BACH2: variants seen among roughly 807,000 people sequenced by gnomAD.
BACH2 encodes the protein BACH transcriptional regulator 2.
In BACH2, 5 loss-of-function variants were observed where a neutral mutation model predicts 61.8. The observed-to-expected ratio is 0.08, with a 90% confidence interval of 0.04 to 0.17. BACH2 has a LOEUF of 0.17. Among genes scored for constraint, BACH2 ranks in the 10% least tolerant of loss-of-function variants. The probability of loss-of-function intolerance (pLI) is 1.00; values close to 1 mark genes in which losing one functional copy is unlikely to be tolerated. For synonymous variants in BACH2, 446 were observed against 440.1 expected (o/e 1.01, Z -0.17); for missense variants, 824 against 1,091.1 (o/e 0.76, Z 3.45).
At chr6:90,107,827 C>T (rs1010642524) in intron 4 of BACH2, among the ~76,000 whole-genome samples, 2 of 152,104 alleles carry the variant, frequency 1.3e-5, no homozygotes, top group Non-Finnish European at 2.9e-5. Flanking sequence ...GAGAACTGTG[C>T]TCAAGGGAAT....
rs1261328384 is a variant in BACH2, at chr6:90,036,941, T to C, written c.-12-28085A>G. 2.6e-5 allele frequency among the ~76,000 whole-genome samples: 4 copies of C among 152,206 alleles called. No homozygotes were observed. The East Asian group carries it at 7.7e-4, about 29-fold the overall frequency. On this transcript the variant is annotated intron_variant, in intron 5 of 8. Transcript: ENST00000257749. ...AGACTAATTGTCTGCCCTAAAACAG[T>C]TGAATTTTGAAACTTTAAGTAGCTA... is the stretch of plus-strand genomic sequence containing the variant.
chr6:90,272,199 T>C (rs577221228), intron 1 of BACH2, among the ~76,000 whole-genome samples: 52 of 152,246 alleles, frequency 3.4e-4, no homozygotes, highest in African/African-American at 1.2e-3. Flanking sequence ...TGTCAAATCT[T>C]ATGTCCCCCT....
At chr6:90,083,243 C>T (rs1232782646) in intron 5 of BACH2, among the ~76,000 whole-genome samples, 35 of 152,150 alleles carry the variant, frequency 2.3e-4, no homozygotes, top group Admixed American at 2.3e-3. Context: ...AGATTGGAAA[C>T]TATTAGAATA....
chr6:90,099,128 T>C (rs1455023023), intron 4 of BACH2, among the ~76,000 whole-genome samples: 1 of 152,232 alleles, frequency 6.6e-6, no homozygotes, highest in Non-Finnish European at 1.5e-5. Flanking sequence ...TCCAAAAGCA[T>C]ACTTCAGCCT....
At chr6:90,113,348 A>C (rs1007983250) in intron 4 of BACH2, among the ~76,000 whole-genome samples, 9 of 152,166 alleles carry the variant, frequency 5.9e-5, no homozygotes, top group African/African-American at 2.2e-4. Context: ...AGACCACATA[A>C]TTGGACATAA....
intron 6 of BACH2, among the ~76,000 whole-genome samples, chr6:89,967,423 G>C (rs144130040): frequency 6.6e-6 from 1 of 152,280 alleles, no homozygotes; most frequent in Middle Eastern, 3.4e-3. Context: ...ACAGCATCCC[G>C]GGTGTTCCAG....
chr6:89,934,881 G>A (rs1212260369), intron 8 of BACH2, among the ~76,000 whole-genome samples: 2 of 152,180 alleles, frequency 1.3e-5, no homozygotes, highest in African/African-American at 2.4e-5. Flanking sequence ...TCTCCGACAC[G>A]GGAGCTGCAT....
At chr6:90,210,074 C>A (rs1769290234) in intron 3 of BACH2, among the ~76,000 whole-genome samples, 1 of 151,906 alleles carries the variant, frequency 6.6e-6, no homozygotes, top group South Asian at 2.1e-4. Context: ...CTGTATAGTA[C>A]CCCAAACTGT....
At chr6:90,113,085 G>A (rs1479542816) in intron 4 of BACH2, among the ~76,000 whole-genome samples, 3 of 152,046 alleles carry the variant, frequency 2.0e-5, no homozygotes, top group Non-Finnish European at 4.4e-5. Context: ...CTCAACACAG[G>A]AGCACTCAGA....
chr6:89,977,976 C>T (rs1775746942), intron 6 of BACH2, among the ~76,000 whole-genome samples: 1 of 152,194 alleles, frequency 6.6e-6, no homozygotes, highest in Non-Finnish European at 1.5e-5. Flanking sequence ...CATCTTTACG[C>T]ATACTCTACA....
chr6:89,991,004 C>T (rs1038047077), intron 6 of BACH2, among the ~76,000 whole-genome samples: 6 of 152,228 alleles, frequency 3.9e-5, no homozygotes, highest in African/African-American at 4.8e-5. Flanking sequence ...TCCCATCTAA[C>T]GTTGCACTTC....
At chr6:90,144,278 A>G (rs1298864531) in intron 4 of BACH2, among the ~76,000 whole-genome samples, 1 of 152,188 alleles carries the variant, frequency 6.6e-6, no homozygotes, top group Non-Finnish European at 1.5e-5. Flanking sequence ...GATCCCTAGA[A>G]CTTTATACAG....
intron 6 of BACH2, among the ~76,000 whole-genome samples, chr6:89,982,723 GTAT>G: frequency 6.6e-6 from 1 of 152,022 alleles, no homozygotes; most frequent in East Asian, 1.9e-4. Flanking sequence ...GGTAAATGAG[GTAT>G]TATGATTCTT....
At chr6:90,295,654 G>GGTGTGTGTGTGTGTGTGTGTGTGT (rs138869202) in intron 1 of BACH2, among the ~76,000 whole-genome samples, 1 of 147,734 alleles carries the variant, frequency 6.8e-6, no homozygotes, top group Admixed American at 6.7e-5. Flanking sequence ...TGGAGTGTAG[G>GGTGTGTGTGTGTGTGTGTGTGTGT]GTGTGTGTGT....
chr6:89,932,450 A>C lies in BACH2; in HGVS notation c.2484T>G (p.Asp828Glu), dbSNP rs778111753. The C allele has an allele frequency of 6.2e-7, 1 of 1,614,030 alleles. No individual in the cohort carries two copies. Among genetic ancestry groups the C allele is most frequent in the South Asian group, 1.1e-5 (1 of 91,078 alleles). The change falls in exon 9 of 9, where the codon GAT becomes GAG. Residue 828 changes from aspartate (D) to glutamate (E), a missense_variant. Asp to Glu is a conservative substitution (Grantham distance 45). This residue lies in a region of BACH2 where 135 missense variants were observed against 142.7 expected (regional missense o/e 0.95). Transcript: ENST00000257749. ...VTVDFCQEMT[D>E]KCTTDEQPRK... ...TGGGCTGTTCGTCAGTTGTACACTT[A>C]TCAGTCATTTCCTGGCAGAAGTCCA...
chr6:90,247,141 C>A (rs1303736380), intron 3 of BACH2, among the ~76,000 whole-genome samples: 1 of 152,122 alleles, frequency 6.6e-6, no homozygotes, highest in Non-Finnish European at 1.5e-5. Flanking sequence ...AACATGACTG[C>A]AGTTTACAAG....
At chr6:90,258,918 G>A (rs1349884911) in intron 2 of BACH2, among the ~76,000 whole-genome samples, 4 of 152,104 alleles carry the variant, frequency 2.6e-5, no homozygotes, top group Admixed American at 6.5e-5. Flanking sequence ...GCACCCCACA[G>A]CTTTACTGAA....
intron 6 of BACH2, among the ~76,000 whole-genome samples, chr6:89,968,939 A>G (rs1775201925): frequency 1.3e-5 from 2 of 151,656 alleles, no homozygotes. Flanking sequence ...TGAATCTGGG[A>G]GGCGGAGGTT....
intron 2 of BACH2, among the ~76,000 whole-genome samples, chr6:90,264,609 C>A (rs1771266321): frequency 6.6e-6 from 1 of 152,180 alleles, no homozygotes; most frequent in Admixed American, 6.5e-5. Flanking sequence ...AAAGAAATGT[C>A]AAGACTAACA....
Sources: gnomAD v4.1 joint callset for allele counts (sites outside exome capture counted in the v4.1 genomes callset) on GRCh38, gnomAD v4.1.1 for gene constraint, gnomAD v4.1.1 regional missense constraint, MANE v1.5 for transcripts, NCBI Gene and HGNC (gene_info 2026-07-23, HGNC 2026-07-21) for gene names.